DHRSX: variants seen among roughly 807,000 people sequenced by gnomAD.
The protein encoded by DHRSX is polyprenol dehydrogenase.
In DHRSX, 31 loss-of-function variants were observed where a neutral mutation model predicts 34.0. The observed-to-expected ratio is 0.91, with a 90% confidence interval of 0.69 to 1.23. DHRSX has a LOEUF of 1.23. DHRSX is among the 50% of genes most tolerant of loss of function. The pLI, the probability that DHRSX is intolerant of heterozygous loss-of-function variation, is 0.00. For synonymous variants in DHRSX, 201 were observed against 183.8 expected (o/e 1.09, Z -0.76); for missense variants, 414 against 428.1 (o/e 0.97, Z 0.29).
intron 3 of DHRSX, among the ~76,000 whole-genome samples, chrX:2,298,841 C>A (rs1337197021): frequency 1.3e-5 from 2 of 151,850 alleles, no homozygotes; most frequent in Admixed American, 1.3e-4. Context: ...CAAAATTAGC[C>A]GGGTGTGGTG....
At chrX:2,266,442 G>A (rs1163132810) in intron 5 of DHRSX, among the ~76,000 whole-genome samples, 2 of 129,884 alleles carry the variant, frequency 1.5e-5, no homozygotes, top group Non-Finnish European at 3.2e-5. Context: ...ACCAGTGCTC[G>A]GCAGACGCAG....
intron 3 of DHRSX, among the ~76,000 whole-genome samples, chrX:2,347,360 A>T (rs2042732744): frequency 1.3e-5 from 2 of 152,118 alleles, no homozygotes; most frequent in Admixed American, 1.3e-4. Context: ...TGATTCGGTT[A>T]CCTCCCACTG....
intron 1 of DHRSX, among the ~76,000 whole-genome samples, chrX:2,448,861 T>G (rs1301860625): frequency 6.6e-6 from 1 of 152,126 alleles, no homozygotes; most frequent in African/African-American, 2.4e-5. Context: ...GTTCCAAGTT[T>G]CCAAGGAAAG....
In DHRSX at chrX:2,494,269, CATT is replaced by C. The variant is rs201608969; in HGVS notation, c.109+6545_109+6547del. Among the ~76,000 whole-genome samples, 306 of 150,922 alleles carry C rather than the reference CATT, an allele frequency of 2.0e-3. 1 individual carries two copies. The highest frequency in any genetic ancestry group is 6.3e-3 in the African/African-American group (260 of 41,158). On this transcript the variant is annotated intron_variant, in intron 1 of 6. Transcript: ENST00000334651. Reference sequence around the variant, plus strand: ...CCTGTAGCAAAGGCTTATATTATTACATTATTATTATTATTAGGCTGGAAGAGG... The same window carrying C: ...CCTGTAGCAAAGGCTTATATTATTACATTATTATTATTAGGCTGGAAGAGG...
chrX:2,397,765 A>ACGGG (rs2124628207), intron 3 of DHRSX, among the ~76,000 whole-genome samples: 1 of 152,266 alleles, frequency 6.6e-6, no homozygotes, highest in East Asian at 1.9e-4. Flanking sequence ...AGTCCTCGTT[A>ACGGG]CGGGCGGGAT....
At chrX:2,454,151 C>T (rs1435043918) in intron 1 of DHRSX, among the ~76,000 whole-genome samples, 2 of 152,118 alleles carry the variant, frequency 1.3e-5, no homozygotes, top group Admixed American at 6.6e-5. Flanking sequence ...AGTGTCTCCT[C>T]TTAATTCAAC....
At chrX:2,236,484 T>G (rs2016018288) in intron 6 of DHRSX, among the ~76,000 whole-genome samples, 1 of 152,106 alleles carries the variant, frequency 6.6e-6, no homozygotes, top group Non-Finnish European at 1.5e-5. Context: ...CAGGCTGGAG[T>G]GCAGTGGCGC....
Position 2,359,983 on chromosome X carries a change from G to A in DHRSX, c.286+48762C>T, listed in dbSNP as rs1459374491. ...CTAATGGGTACTGGGCTTAATACCT[G>A]GGTGATGAAATAATCATACAACAAA... On this transcript the variant is annotated intron_variant, in intron 3 of 6. Transcript: ENST00000334651. Among the ~76,000 whole-genome samples the A allele has an allele frequency of 2.0e-5, 3 of 152,172 alleles. No individual in the cohort carries two copies. The East Asian group carries it at 5.8e-4, about 29-fold the overall frequency.
intron 3 of DHRSX, among the ~76,000 whole-genome samples, chrX:2,298,628 A>ACACG (rs2041971839): frequency 1.6e-5 from 2 of 127,562 alleles, no homozygotes; most frequent in African/African-American, 5.4e-5. Flanking sequence ...ACACACACAC[A>ACACG]CACACACACG....
chrX:2,382,948 TC>T (rs1405536909), intron 3 of DHRSX, among the ~76,000 whole-genome samples: 1 of 148,328 alleles, frequency 6.7e-6, no homozygotes, highest in African/African-American at 2.5e-5. Flanking sequence ...ACCATCATTA[TC>T]ATTTCTATCA....
chrX:2,446,590 C>T (rs1432820264), intron 1 of DHRSX, among the ~76,000 whole-genome samples: 1 of 151,624 alleles, frequency 6.6e-6, no homozygotes, highest in African/African-American at 2.4e-5. Context: ...CAAGGGACCA[C>T]CTCCATGTAC....
chrX:2,221,244 A>C lies in DHRSX; in HGVS notation c.805-15T>G. On this transcript the variant is annotated splice_polypyrimidine_tract_variant and intron_variant, in intron 6 of 6. Coordinates refer to ENST00000334651, the MANE Select transcript of DHRSX (RefSeq NM_145177.3). ...TCATCGGGGGTCTGGTGGAAGAAGAAAAGAAGGCTACGATGAGTCAAATTT... is the reference window on the plus strand; with the variant it reads ...TCATCGGGGGTCTGGTGGAAGAAGACAAGAAGGCTACGATGAGTCAAATTT... 1 of 1,610,660 alleles carries C rather than the reference A, an allele frequency of 6.2e-7. No individual in the cohort carries two copies. Among genetic ancestry groups the C allele is most frequent in the South Asian group, 1.1e-5 (1 of 90,702 alleles).
intron 1 of DHRSX, among the ~76,000 whole-genome samples, chrX:2,480,541 G>T (rs1030612434): frequency 6.6e-6 from 1 of 151,498 alleles, no homozygotes; most frequent in Non-Finnish European, 1.5e-5. Flanking sequence ...AAATTAGCTG[G>T]GTATGGTAGC....
chrX:2,384,076 A>G (rs2043243425), intron 3 of DHRSX, among the ~76,000 whole-genome samples: 1 of 152,212 alleles, frequency 6.6e-6, no homozygotes, highest in Non-Finnish European at 1.5e-5. Flanking sequence ...GAAGCAGGTA[A>G]GGGATAGGTG....
At chrX:2,459,398 G>T (rs766976044) in intron 1 of DHRSX, among the ~76,000 whole-genome samples, 2 of 151,592 alleles carry the variant, frequency 1.3e-5, no homozygotes, top group Non-Finnish European at 2.9e-5. Context: ...TTAGGTCAAT[G>T]GTTAATATGT....
intron 3 of DHRSX, among the ~76,000 whole-genome samples, chrX:2,381,057 G>A (rs900813104): frequency 2.0e-5 from 3 of 151,738 alleles, no homozygotes; most frequent in Non-Finnish European, 2.9e-5. Context: ...GTAGAGACAG[G>A]GTTTCACCAT....
intron 1 of DHRSX, among the ~76,000 whole-genome samples, chrX:2,448,073 T>G (rs6642203): frequency 0.34 from 50,569 of 149,834 alleles, 8,790 homozygotes; most frequent in South Asian, 0.48. Flanking sequence ...TATGGTGGCA[T>G]GCACCTGTAG....
intron 3 of DHRSX, among the ~76,000 whole-genome samples, chrX:2,295,105 C>T (rs2041916531): frequency 1.3e-5 from 2 of 152,112 alleles, no homozygotes; most frequent in South Asian, 4.1e-4. Flanking sequence ...AATCATTCTA[C>T]TATAAAGACA....
chrX:2,275,463 C>T (rs113463137), intron 4 of DHRSX, among the ~76,000 whole-genome samples: 11,920 of 151,160 alleles, frequency 0.079, 658 homozygotes, highest in Non-Finnish European at 0.13. Flanking sequence ...GAGCTGATAT[C>T]GTGCACTGCA....
Sources: gnomAD v4.1 joint callset for allele counts (sites outside exome capture counted in the v4.1 genomes callset) on GRCh38, gnomAD v4.1.1 for gene constraint, MANE v1.5 for transcripts, NCBI Gene and HGNC (gene_info 2026-07-23, HGNC 2026-07-21) for gene names.